The following VAMP4 variants were observed in gnomAD, a reference collection of about 807,000 sequenced individuals.
VAMP4 encodes the protein vesicle associated membrane protein 4, also known as vesicle-associated membrane protein 4.
A neutral mutation model predicts 23.5 loss-of-function variants in VAMP4; 19 were observed. The observed-to-expected ratio is 0.81, with a 90% CI of 0.56 to 1.19. The LOEUF (loss-of-function observed/expected upper bound fraction) is 1.19. Ranked by LOEUF, VAMP4 falls within the 50% of genes most tolerant of loss-of-function variation. The pLI is 0.00. For missense variants in VAMP4, 145 were observed against 168.6 expected (o/e 0.86, Z 0.78); for synonymous variants, 31 against 51.0 (o/e 0.61, Z 1.67).
At position 171,719,847 on chromosome 1, in the gene VAMP4, T is replaced by C. The variant is rs114693261; in HGVS notation, c.114-626A>G. Among the ~76,000 whole-genome samples, 582 of 152,108 alleles carry C rather than the reference T, an allele frequency of 3.8e-3. 3 individuals are homozygous for C. The highest frequency in any genetic ancestry group is 0.013 in the African/African-American group (532 of 41,552). On this transcript the variant is annotated intron_variant, in intron 3 of 7. Coordinates refer to ENST00000236192, the MANE Select transcript of VAMP4 (RefSeq NM_003762.5). ...TGAGTGTATATCACACCTTAACCAATCCATTTTAATATTCTTGAAATGAAA... is the reference window on the plus strand; with the variant it reads ...TGAGTGTATATCACACCTTAACCAACCCATTTTAATATTCTTGAAATGAAA...
chr1:171,711,609 T>C (rs1654851696), intron 4 of VAMP4, among the ~76,000 whole-genome samples: 1 of 152,130 alleles, frequency 6.6e-6, no homozygotes, highest in Admixed American at 6.6e-5. Context: ...CATTCAGGAG[T>C]TACCTCCAGA....
intron 4 of VAMP4, among the ~76,000 whole-genome samples, chr1:171,712,689 T>C (rs1045797853): frequency 6.6e-6 from 1 of 152,158 alleles, no homozygotes; most frequent in African/African-American, 2.4e-5. Context: ...CTCTAAGACA[T>C]CTTGTTGCAA....
chr1:171,733,835 C>T (rs891477544), intron 2 of VAMP4, among the ~76,000 whole-genome samples: 2 of 152,020 alleles, frequency 1.3e-5, no homozygotes, highest in African/African-American at 2.4e-5. Flanking sequence ...TAGGTATACA[C>T]CAAAGAGAAA....
Position 171,728,557 on chromosome 1 carries a change from T to C in VAMP4, c.80A>G (p.Glu27Gly). The change falls in exon 3 of 8, where the codon GAA (glutamate) becomes GGA (glycine). Residue 27 changes from glutamate (E) to glycine (G), a missense_variant. Coordinates refer to ENST00000236192, the MANE Select transcript of VAMP4 (RefSeq NM_003762.5). ...SVKSERRNLL[E>G]DDSDEEEDFF... ...GTCCTCTTCTTCATCTGAATCATCT[T>C]CCAAAAGATTTCTCTGTCAAAAAAA... 6.4e-7 allele frequency: 1 copy of C among 1,554,568 alleles called. No individual in the cohort carries two copies. Among genetic ancestry groups the C allele is most frequent in the Non-Finnish European group, 8.7e-7 (1 of 1,152,060 alleles).
intron 4 of VAMP4, among the ~76,000 whole-genome samples, chr1:171,714,261 T>G (rs186214089): frequency 1.3e-5 from 2 of 152,206 alleles, no homozygotes; most frequent in Admixed American, 6.5e-5. Context: ...TACTTCCCCA[T>G]GATCTTTTAC....
intron 3 of VAMP4, among the ~76,000 whole-genome samples, chr1:171,719,951 A>G (rs1260010584): frequency 6.6e-6 from 1 of 151,972 alleles, no homozygotes; most frequent in African/African-American, 2.4e-5. Context: ...ACTCAAAAGA[A>G]ACCAGGTTCT....
rs1006897128 is a variant in VAMP4, at chr1:171,726,056, AT to A, written c.113+2467del. 1.1e-3 allele frequency among the ~76,000 whole-genome samples: 170 copies of A among 149,844 alleles called. 1 individual carries two copies. The highest frequency in any genetic ancestry group is 4.0e-3 in the African/African-American group (162 of 40,816). Reference sequence around the variant, plus strand: ...ACCCAGCCTCAACAAAAAAAGTCACATTTTTTTTTGGGGGGGGCGAAGTATC... The same window carrying A: ...ACCCAGCCTCAACAAAAAAAGTCACATTTTTTTTGGGGGGGGCGAAGTATC... On this transcript the variant is annotated intron_variant, in intron 3 of 7. Coordinates refer to ENST00000236192, the MANE Select transcript of VAMP4 (RefSeq NM_003762.5).
intron 4 of VAMP4, among the ~76,000 whole-genome samples, chr1:171,716,813 G>A (rs986088121): frequency 2.0e-5 from 3 of 152,166 alleles, no homozygotes; most frequent in African/African-American, 7.2e-5. Context: ...TCCATCTTGG[G>A]CACACTGGTG....
At chr1:171,740,540 G>A (rs1354143819) in intron 1 of VAMP4, among the ~76,000 whole-genome samples, 1 of 152,196 alleles carries the variant, frequency 6.6e-6, no homozygotes. Flanking sequence ...TGCTGCCTGA[G>A]TAACAGCTCT....
At chr1:171,734,398 G>A (rs960127666) in intron 2 of VAMP4, among the ~76,000 whole-genome samples, 12 of 151,912 alleles carry the variant, frequency 7.9e-5, no homozygotes, top group Non-Finnish European at 1.0e-4. Flanking sequence ...TACAGAAAAC[G>A]TCCAGAATAG....
chr1:171,712,655 A>G (rs1456417179), intron 4 of VAMP4, among the ~76,000 whole-genome samples: 2 of 152,222 alleles, frequency 1.3e-5, no homozygotes, highest in East Asian at 1.9e-4. Context: ...TTCTGCCCAA[A>G]CAAATCTGAA....
At chr1:171,713,612 C>T (rs1392026291) in intron 4 of VAMP4, among the ~76,000 whole-genome samples, 1 of 152,088 alleles carries the variant, frequency 6.6e-6, no homozygotes, top group South Asian at 2.1e-4. Flanking sequence ...GTGGAAGGAT[C>T]CCCTGAGCCT....
rs748481122 is a variant in VAMP4 at position 171,735,157 on chromosome 1, T to C, written c.66+3192A>G. ...AAAAGCAATCATATTCAAGTGACTG[T>C]GTCCTTAACAGTGATTCCATTAAGT... On this transcript the variant is annotated intron_variant, in intron 2 of 7. Transcript: ENST00000236192. 1.5e-3 allele frequency among the ~76,000 whole-genome samples: 224 copies of C among 152,248 alleles called. 2 individuals are homozygous for C. The highest frequency in any genetic ancestry group is 2.7e-3 in the Non-Finnish European group (183 of 68,038).
At chr1:171,710,034 G>C (rs1170231587) in intron 5 of VAMP4, among the ~76,000 whole-genome samples, 7 of 151,826 alleles carry the variant, frequency 4.6e-5, no homozygotes, top group Admixed American at 4.6e-4. Context: ...ATAAACTTAG[G>C]AAATCTAGTA....
At chr1:171,729,179 G>A (rs1358283545) in intron 2 of VAMP4, among the ~76,000 whole-genome samples, 1 of 152,118 alleles carries the variant, frequency 6.6e-6, no homozygotes, top group South Asian at 2.1e-4. Flanking sequence ...AAGTCCAAAA[G>A]GTGACTAAAG....
At chr1:171,735,883 G>C (rs1399035838) in intron 2 of VAMP4, among the ~76,000 whole-genome samples, 1 of 152,014 alleles carries the variant, frequency 6.6e-6, no homozygotes, top group Non-Finnish European at 1.5e-5. Context: ...GCTTTGTAAA[G>C]ACATGCTTTT....
At position 171,719,193 on chromosome 1, in the gene VAMP4, G is replaced by T. The variant is rs759993177; in HGVS notation, c.142C>A (p.Pro48Thr). Residue 48 changes from proline (P) to threonine (T), a missense_variant, in exon 4 of 8, where the codon CCT becomes ACT. Coordinates refer to ENST00000236192, the MANE Select transcript of VAMP4 (RefSeq NM_003762.5). ...LRGPSGPRFGPRNDKIKHVQN... is the reference protein window; with the variant it reads ...LRGPSGPRFGTRNDKIKHVQN... ...TACTGCTTAATTTTATCATTTCTAG[G>T]TCCAAATCTTGGTCCAGATGGTCCC... The T allele has an allele frequency of 1.7e-5, 27 of 1,610,936 alleles. No homozygotes were observed. The highest frequency in any genetic ancestry group is 2.3e-5 in the Non-Finnish European group (27 of 1,178,550).
At chr1:171,719,276 C>T (rs1655114871) in intron 3 of VAMP4, 55 bp from the exon 4 acceptor site, 3 of 1,427,546 alleles carry the variant, frequency 2.1e-6, no homozygotes, top group Admixed American at 2.1e-5. Flanking sequence ...TAAAACAAAA[C>T]AAAAAAAAGA....
At position 171,701,195 on chromosome 1, in the gene VAMP4, T is replaced by C. The variant is rs911181181; in HGVS notation, c.*3311A>G. The C allele has an allele frequency of 1.3e-5, 2 of 152,214 alleles. No homozygotes were observed. Among genetic ancestry groups the C allele is most frequent in the Non-Finnish European group, 2.9e-5 (2 of 68,034 alleles). 9.4% of individuals were successfully genotyped at this position (152,214 alleles called of 1,614,324 possible). On this transcript the variant is annotated 3_prime_UTR_variant, in exon 8 of 8. Transcript: ENST00000236192. The stretch of plus-strand genomic sequence containing the variant: ...TTGTAAATGCTTTCAAACTGACTTA[T>C]GCTCTTACTCTCAACTCACAGAAAA...
Sources: gnomAD v4.1 joint callset for allele counts (sites outside exome capture counted in the v4.1 genomes callset) on GRCh38, gnomAD v4.1.1 for gene constraint, MANE v1.5 for transcripts, NCBI Gene and HGNC (gene_info 2026-07-23, HGNC 2026-07-21) for gene names.